Variants in GPC5 observed in about 807,000 individuals in gnomAD.
GPC5 encodes glypican-5.
In GPC5, 47 loss-of-function variants were observed where a neutral mutation model predicts 53.9. That is an observed-to-expected ratio of 0.87 (90% CI 0.69 to 1.11). The LOEUF is 1.11. Ranked by LOEUF, GPC5 falls within the 50% of genes most tolerant of loss-of-function variation. The pLI, the probability that GPC5 is intolerant of heterozygous loss-of-function variation, is 0.00. For missense variants in GPC5, 748 were observed against 713.1 expected (o/e 1.05, Z -0.56); for synonymous variants, 286 against 263.3 (o/e 1.09, Z -0.84).
intron 7 of GPC5, among the ~76,000 whole-genome samples, chr13:92,787,887 A>G (rs1205704561): frequency 1.2e-4 from 18 of 151,376 alleles, no homozygotes; most frequent in African/African-American, 3.6e-4. Context: ...AAAAAAAAAA[A>G]AAAAAATACT....
intron 6 of GPC5, among the ~76,000 whole-genome samples, chr13:92,012,640 A>G (rs1251134424): frequency 6.6e-6 from 1 of 152,214 alleles, no homozygotes; most frequent in Non-Finnish European, 1.5e-5. Flanking sequence ...GTTAAAAAAT[A>G]AAAAGTTGGG....
chr13:92,641,436 A>G (rs143197368), intron 7 of GPC5, among the ~76,000 whole-genome samples: 2 of 152,336 alleles, frequency 1.3e-5, no homozygotes, highest in East Asian at 3.9e-4. Flanking sequence ...CGCTGATAGA[A>G]TAAAGAAGGT....
intron 6 of GPC5, among the ~76,000 whole-genome samples, chr13:92,113,232 G>T (rs1264087366): frequency 6.6e-6 from 1 of 152,034 alleles, no homozygotes; most frequent in Non-Finnish European, 1.5e-5. Context: ...GTCAATGTAT[G>T]TTTTGACATG....
intron 7 of GPC5, among the ~76,000 whole-genome samples, chr13:92,496,162 G>T (rs1404812613): frequency 6.6e-6 from 1 of 151,924 alleles, no homozygotes; most frequent in Non-Finnish European, 1.5e-5. Context: ...AACTTTTACA[G>T]CTCTTTTATA....
chr13:91,520,840 G>A (rs1486695951), intron 2 of GPC5, among the ~76,000 whole-genome samples: 2 of 151,972 alleles, frequency 1.3e-5, no homozygotes, highest in Non-Finnish European at 2.9e-5. Flanking sequence ...TGCTAAACTA[G>A]AATAGTTTAA....
At chr13:92,290,907 C>T (rs2042989732) in intron 7 of GPC5, among the ~76,000 whole-genome samples, 1 of 152,074 alleles carries the variant, frequency 6.6e-6, no homozygotes, top group Admixed American at 6.5e-5. Context: ...CTGGCGGAAA[C>T]CGGGGCTGCG....
intron 7 of GPC5, among the ~76,000 whole-genome samples, chr13:92,233,398 G>A (rs372907645): frequency 5.3e-4 from 80 of 152,294 alleles, no homozygotes; most frequent in African/African-American, 1.8e-3. Flanking sequence ...CTAGGTCATC[G>A]GATGGGGCTG....
chr13:91,953,281 T>G (rs2040044053), intron 6 of GPC5, among the ~76,000 whole-genome samples: 1 of 152,164 alleles, frequency 6.6e-6, no homozygotes, highest in Admixed American at 6.5e-5. Flanking sequence ...TCTGGGAATT[T>G]GAAGTTAGGA....
intron 7 of GPC5, among the ~76,000 whole-genome samples, chr13:92,602,246 ATATAT>A: frequency 7.1e-6 from 1 of 140,502 alleles, no homozygotes. Context: ...ATATATATAT[ATATAT>A]ATATATATAT....
chr13:92,257,057 C>A (rs1259493296), intron 7 of GPC5, among the ~76,000 whole-genome samples: 1 of 139,714 alleles, frequency 7.2e-6, no homozygotes, highest in African/African-American at 3.3e-5. Context: ...CAGTATTTGT[C>A]TTTATGTGAC....
At chr13:91,530,257 G>C in intron 2 of GPC5, among the ~76,000 whole-genome samples, 1 of 152,200 alleles carries the variant, frequency 6.6e-6, no homozygotes, top group African/African-American at 2.4e-5. Context: ...TATCCCTGGA[G>C]AGTGGTTTGC....
chr13:91,946,759 T>C (rs1223464971), intron 6 of GPC5, among the ~76,000 whole-genome samples: 1 of 152,072 alleles, frequency 6.6e-6, no homozygotes, highest in East Asian at 1.9e-4. Context: ...CTGGGGTTTA[T>C]AGATAACGAG....
intron 7 of GPC5, among the ~76,000 whole-genome samples, chr13:92,341,586 A>G (rs2139249486): frequency 6.6e-6 from 1 of 152,164 alleles, no homozygotes; most frequent in Admixed American, 6.6e-5. Flanking sequence ...TTAAGAGGTG[A>G]GTTGCTGATG....
At chr13:92,405,736 C>T (rs979468226) in intron 7 of GPC5, among the ~76,000 whole-genome samples, 2 of 152,114 alleles carry the variant, frequency 1.3e-5, no homozygotes, top group African/African-American at 2.4e-5. Context: ...AATCTCTAGA[C>T]TCTCATCTCT....
intron 6 of GPC5, among the ~76,000 whole-genome samples, chr13:91,955,269 C>T (rs1309065298): frequency 1.3e-5 from 2 of 152,070 alleles, no homozygotes; most frequent in South Asian, 2.1e-4. Flanking sequence ...TAGCCAAGAA[C>T]ACTCAAATTT....
At chr13:92,775,735 C>T (rs1701995419) in intron 7 of GPC5, among the ~76,000 whole-genome samples, 1 of 152,164 alleles carries the variant, frequency 6.6e-6, no homozygotes, top group Non-Finnish European at 1.5e-5. Context: ...CTATTTAGCT[C>T]ATATCTATAA....
At chr13:91,829,070 T>A (rs1857717563) in intron 5 of GPC5, among the ~76,000 whole-genome samples, 1 of 152,088 alleles carries the variant, frequency 6.6e-6, no homozygotes, top group Non-Finnish European at 1.5e-5. Flanking sequence ...TTCAGCACTT[T>A]AATCAAATTA....
At chr13:92,560,530 T>C (rs1882659300) in intron 7 of GPC5, among the ~76,000 whole-genome samples, 1 of 152,014 alleles carries the variant, frequency 6.6e-6, no homozygotes, top group South Asian at 2.1e-4. Flanking sequence ...GTGGAAGTAG[T>C]GAGAGAAGGA....
chr13:91,618,737 T>C (rs1246970891), intron 2 of GPC5, among the ~76,000 whole-genome samples: 10 of 152,050 alleles, frequency 6.6e-5, no homozygotes, highest in Non-Finnish European at 1.2e-4. Flanking sequence ...CTAAGCCCAG[T>C]TCTACTGTTG....
Sources: gnomAD v4.1 joint callset for allele counts (sites outside exome capture counted in the v4.1 genomes callset) on GRCh38, gnomAD v4.1.1 for gene constraint, MANE v1.5 for transcripts, NCBI Gene and HGNC (gene_info 2026-07-23, HGNC 2026-07-21) for gene names.